Variants in GRIA4 observed in about 807,000 individuals in gnomAD.
The protein encoded by GRIA4 is glutamate receptor 4.
A neutral mutation model predicts 104.0 loss-of-function variants in GRIA4; 34 were observed. The observed-to-expected ratio is 0.33, with a 90% confidence interval of 0.25 to 0.44. GRIA4 has a LOEUF of 0.44. Ranked by LOEUF, GRIA4 falls within the 20% of genes least tolerant of loss-of-function variation. The probability of loss-of-function intolerance (pLI) is 1.00; values close to 1 mark genes in which losing one functional copy is unlikely to be tolerated. For synonymous variants in GRIA4, 386 were observed against 381.9 expected (o/e 1.01, Z -0.13); for missense variants, 750 against 1,096.5 (o/e 0.68, Z 4.46).
At chr11:105,816,867 A>T (rs1396435484) in intron 4 of GRIA4, among the ~76,000 whole-genome samples, 3 of 152,032 alleles carry the variant, frequency 2.0e-5, no homozygotes, top group African/African-American at 7.2e-5. Context: ...AAAATAAAAA[A>T]TTAGCCTGGA....
chr11:105,880,169 A>G (rs1457493645), intron 5 of GRIA4, among the ~76,000 whole-genome samples: 1 of 152,212 alleles, frequency 6.6e-6, no homozygotes, highest in Non-Finnish European at 1.5e-5. Context: ...ATAATCACAA[A>G]TGCCATACAA....
chr11:105,673,549 C>G (rs1378476389), intron 3 of GRIA4, among the ~76,000 whole-genome samples: 2 of 152,002 alleles, frequency 1.3e-5, no homozygotes, highest in Non-Finnish European at 2.9e-5. Context: ...TTTTCTCTCT[C>G]TCAATTAAAA....
At chr11:105,828,176 A>G (rs1943844780) in intron 4 of GRIA4, among the ~76,000 whole-genome samples, 1 of 152,018 alleles carries the variant, frequency 6.6e-6, no homozygotes, top group African/African-American at 2.4e-5. Context: ...AGCTCTGGAT[A>G]TTTCAAACAT....
rs1942757877 is a variant in GRIA4, at chr11:105,802,373, G to A, written c.487+49153G>A. Among the ~76,000 whole-genome samples the A allele has an allele frequency of 2.0e-5, 3 of 151,940 alleles. No homozygotes were observed. The South Asian group carries it at 6.2e-4, about 31-fold the overall frequency. On this transcript the variant is annotated intron_variant, in intron 4 of 16. Transcript: ENST00000282499. ...ATTTAAAACCATCAGAAATAACTAA[G>A]TACTCACAATATGAAGATGAGTAGT...
chr11:105,716,678 A>G (rs1311651005), intron 3 of GRIA4, among the ~76,000 whole-genome samples: 1 of 152,170 alleles, frequency 6.6e-6, no homozygotes, highest in African/African-American at 2.4e-5. Flanking sequence ...CCTAGAGAAG[A>G]ATAGTTTGCA....
At chr11:105,885,257 T>C (rs1287088298) in intron 5 of GRIA4, among the ~76,000 whole-genome samples, 1 of 152,162 alleles carries the variant, frequency 6.6e-6, no homozygotes, top group Non-Finnish European at 1.5e-5. Context: ...CCATGTTAAA[T>C]CACTCAAGTC....
chr11:105,700,138 T>C (rs1007628335), intron 3 of GRIA4, among the ~76,000 whole-genome samples: 4 of 152,220 alleles, frequency 2.6e-5, no homozygotes, highest in Non-Finnish European at 5.9e-5. Context: ...AGAGTGCACA[T>C]AGGTGCCACC....
At chr11:105,943,773 A>T (rs1948238478) in intron 14 of GRIA4, among the ~76,000 whole-genome samples, 1 of 152,124 alleles carries the variant, frequency 6.6e-6, no homozygotes, top group Admixed American at 6.6e-5. Flanking sequence ...ACCATGGATG[A>T]AATAGGTGTT....
At chr11:105,747,014 C>A (rs1224662138) in intron 3 of GRIA4, among the ~76,000 whole-genome samples, 1 of 152,104 alleles carries the variant, frequency 6.6e-6, no homozygotes, top group Non-Finnish European at 1.5e-5. Flanking sequence ...TTCCTGGCTT[C>A]CCTTGAGTTC....
intron 6 of GRIA4, among the ~76,000 whole-genome samples, chr11:105,892,688 T>G (rs977904931): frequency 4.6e-5 from 7 of 152,188 alleles, no homozygotes; most frequent in African/African-American, 1.7e-4. Flanking sequence ...TTTACTTTTG[T>G]GCTTCCCGTT....
At chr11:105,916,539 T>C (rs931323552) in intron 10 of GRIA4, among the ~76,000 whole-genome samples, 6 of 152,212 alleles carry the variant, frequency 3.9e-5, no homozygotes, top group Non-Finnish European at 8.8e-5. Flanking sequence ...TGACTTATTT[T>C]TGTGTCCCTA....
chr11:105,893,531 C>A (rs990559862), intron 6 of GRIA4, among the ~76,000 whole-genome samples: 3 of 152,132 alleles, frequency 2.0e-5, no homozygotes, highest in African/African-American at 7.2e-5. Flanking sequence ...GAAATCATAA[C>A]TGACAATGGT....
chr11:105,715,709 AAGG>A (rs1954068314), intron 3 of GRIA4, among the ~76,000 whole-genome samples: 1 of 152,314 alleles, frequency 6.6e-6, no homozygotes, highest in East Asian at 1.9e-4. Context: ...AGGATGATTA[AAGG>A]AGAAGTCATA....
At chr11:105,842,894 C>G (rs1397123885) in intron 4 of GRIA4, 1 of 152,130 alleles carries the variant, frequency 6.6e-6, no homozygotes, top group East Asian at 1.9e-4. Context: ...AGAAAAAGAA[C>G]CAAATTTTTG....
At chr11:105,742,583 C>T (rs1338695971) in intron 3 of GRIA4, among the ~76,000 whole-genome samples, 2 of 146,554 alleles carry the variant, frequency 1.4e-5, no homozygotes, top group African/African-American at 2.5e-5. Flanking sequence ...TATATATATA[C>T]AAGTGTGAGT....
intron 9 of GRIA4, among the ~76,000 whole-genome samples, chr11:105,910,179 CCAATCT>C (rs1947183139): frequency 1.3e-5 from 2 of 152,022 alleles, no homozygotes; most frequent in Non-Finnish European, 2.9e-5. Flanking sequence ...ATCACCATTC[CCAATCT>C]CTTGGTCACT....
intron 4 of GRIA4, among the ~76,000 whole-genome samples, chr11:105,837,362 C>A (rs1050773138): frequency 6.6e-6 from 1 of 152,054 alleles, no homozygotes; most frequent in South Asian, 2.1e-4. Context: ...ATCTTAGAAC[C>A]ACTATGAGTC....
chr11:105,678,531 G>A (rs927871774), intron 3 of GRIA4, among the ~76,000 whole-genome samples: 1 of 152,022 alleles, frequency 6.6e-6, no homozygotes, highest in Non-Finnish European at 1.5e-5. Flanking sequence ...GACACTTCAT[G>A]TAGGCAGCAC....
At chr11:105,727,066 G>A (rs544663961) in intron 3 of GRIA4, among the ~76,000 whole-genome samples, 1 of 152,130 alleles carries the variant, frequency 6.6e-6, no homozygotes, top group Non-Finnish European at 1.5e-5. Flanking sequence ...GGCTTTAGAA[G>A]GTGGGTAATA....
Sources: allele counts gnomAD v4.1 joint callset (sites outside exome capture counted in the v4.1 genomes callset), GRCh38; gene constraint gnomAD v4.1.1; transcripts MANE v1.5; gene names NCBI Gene and HGNC (gene_info 2026-07-23, HGNC 2026-07-21).